The following PITPNC1 variants were observed in gnomAD, a reference collection of about 807,000 sequenced individuals.
PITPNC1 encodes the protein cytoplasmic phosphatidylinositol transfer protein 1.
PITPNC1 carries 18 observed loss-of-function variants against 44.7 expected under a neutral mutation model. That is an observed-to-expected ratio of 0.40 (90% confidence interval 0.28 to 0.60). The LOEUF is 0.60. PITPNC1 is among the 20% of genes least tolerant of loss of function. The pLI, the probability that PITPNC1 is intolerant of heterozygous loss-of-function variation, is 0.39. For missense variants in PITPNC1, 290 were observed against 418.4 expected (o/e 0.69, Z 2.68); for synonymous variants, 141 against 149.6 (o/e 0.94, Z 0.42).
At chr17:67,654,757 C>T (rs553276599) in intron 6 of PITPNC1, among the ~76,000 whole-genome samples, 62 of 152,240 alleles carry the variant, frequency 4.1e-4, no homozygotes, top group African/African-American at 1.3e-3. Flanking sequence ...CTCGGTCTCC[C>T]GAGTAGCTGG....
intron 1 of PITPNC1, among the ~76,000 whole-genome samples, chr17:67,526,201 C>A (rs909381185): frequency 3.9e-5 from 6 of 152,148 alleles, no homozygotes; most frequent in African/African-American, 1.4e-4. Flanking sequence ...CCACTAGGTG[C>A]TTTAGGGTAG....
intron 4 of PITPNC1, among the ~76,000 whole-genome samples, chr17:67,558,998 G>A (rs749689430): frequency 5.9e-5 from 9 of 152,162 alleles, no homozygotes; most frequent in Admixed American, 3.9e-4. Flanking sequence ...GAGTGGCCAT[G>A]GGGAGAATGA....
chr17:67,465,612 T>A (rs2143985887), intron 1 of PITPNC1, among the ~76,000 whole-genome samples: 1 of 152,256 alleles, frequency 6.6e-6, no homozygotes, highest in South Asian at 2.1e-4. Context: ...ACAGAGCCCC[T>A]GCACTGGATA....
At chr17:67,488,382 G>C (rs746551253) in intron 1 of PITPNC1, among the ~76,000 whole-genome samples, 1 of 152,124 alleles carries the variant, frequency 6.6e-6, no homozygotes, top group Non-Finnish European at 1.5e-5. Context: ...CCTGTGCCCC[G>C]GGGGAGTTAC....
At chr17:67,541,069 G>C (rs564410692) in intron 2 of PITPNC1, among the ~76,000 whole-genome samples, 1 of 152,190 alleles carries the variant, frequency 6.6e-6, no homozygotes, top group African/African-American at 2.4e-5. Context: ...GCAAAAATTC[G>C]CCAGGAGCGG....
At chr17:67,571,824 C>CT (rs1179530257) in intron 4 of PITPNC1, among the ~76,000 whole-genome samples, 1 of 152,204 alleles carries the variant, frequency 6.6e-6, no homozygotes, top group Non-Finnish European at 1.5e-5. Flanking sequence ...ACTGTCTTGT[C>CT]TTTTTGCTAT....
chr17:67,426,550 T>G (rs887583236), intron 1 of PITPNC1, among the ~76,000 whole-genome samples: 1 of 150,732 alleles, frequency 6.6e-6, no homozygotes, highest in Admixed American at 6.6e-5. Flanking sequence ...TAAGTGGGAG[T>G]TGAACAATGA....
chr17:67,497,529 CTTTTTTTT>C (rs34364657), intron 1 of PITPNC1, among the ~76,000 whole-genome samples: 4 of 87,506 alleles, frequency 4.6e-5, no homozygotes, highest in African/African-American at 1.4e-4. Context: ...TTGTTCGTGT[CTTTTTTTT>C]TTTTTTTTTT....
rs367750667 is a variant in PITPNC1, at chr17:67,659,502, G to A, written c.463-10006G>A. Among the ~76,000 whole-genome samples, 24 of 152,206 alleles carry A rather than the reference G, an allele frequency of 1.6e-4. No homozygotes were observed. In the East Asian group the frequency reaches 1.9e-3, roughly 12 times the overall value. On this transcript the variant is annotated intron_variant, in intron 6 of 8. Coordinates refer to ENST00000581322, the MANE Select transcript of PITPNC1 (RefSeq NM_012417.4). ...GTCTTCTTACATTGTGGAGGGTTCC[G>A]GTTTCTGGCTTCCAGCTTCTCTTGA...
chr17:67,394,302 T>G (rs1027343583), intron 1 of PITPNC1, among the ~76,000 whole-genome samples: 13 of 152,138 alleles, frequency 8.5e-5, no homozygotes, highest in African/African-American at 2.9e-4. Flanking sequence ...GTGCTGGGAT[T>G]ACAGGCATGA....
At chr17:67,520,854 G>T (rs913609591) in intron 1 of PITPNC1, among the ~76,000 whole-genome samples, 12 of 152,208 alleles carry the variant, frequency 7.9e-5, no homozygotes, top group African/African-American at 2.6e-4. Flanking sequence ...TAAATACAAG[G>T]ACATGACACC....
At chr17:67,474,564 T>G (rs1401944272) in intron 1 of PITPNC1, among the ~76,000 whole-genome samples, 1 of 152,192 alleles carries the variant, frequency 6.6e-6, no homozygotes, top group Non-Finnish European at 1.5e-5. Flanking sequence ...CTCCAGGCAG[T>G]GTCAAATGTG....
At chr17:67,487,448 T>C (rs1044798831) in intron 1 of PITPNC1, among the ~76,000 whole-genome samples, 3 of 152,190 alleles carry the variant, frequency 2.0e-5, no homozygotes, top group African/African-American at 7.2e-5. Context: ...GTGCTGGGAT[T>C]ACAGGCATGA....
intron 5 of PITPNC1, among the ~76,000 whole-genome samples, chr17:67,605,465 G>A (rs932784354): frequency 1.3e-4 from 20 of 152,146 alleles, no homozygotes; most frequent in African/African-American, 2.4e-4. Context: ...GAGTCCTCCC[G>A]GGGCTTATCG....
At chr17:67,568,147 A>G (rs2041005906) in intron 4 of PITPNC1, among the ~76,000 whole-genome samples, 1 of 152,230 alleles carries the variant, frequency 6.6e-6, no homozygotes, top group Non-Finnish European at 1.5e-5. Flanking sequence ...GTATGTCCGT[A>G]CAATGGACTA....
chr17:67,488,436 G>A (rs1376711599), intron 1 of PITPNC1, among the ~76,000 whole-genome samples: 1 of 152,184 alleles, frequency 6.6e-6, no homozygotes, highest in African/African-American at 2.4e-5. Flanking sequence ...GCAGAACAGA[G>A]TCCAGGGGCC....
intron 2 of PITPNC1, among the ~76,000 whole-genome samples, chr17:67,549,667 A>G (rs1186517612): frequency 4.6e-5 from 7 of 152,126 alleles, no homozygotes; most frequent in Non-Finnish European, 1.0e-4. Flanking sequence ...GCTATAGGAA[A>G]TGAATTACGG....
intron 5 of PITPNC1, chr17:67,613,378 A>G (rs2041714219): frequency 6.6e-6 from 1 of 152,224 alleles, no homozygotes; most frequent in African/African-American, 2.4e-5. Context: ...TGTCTGAGAT[A>G]TCCAGGAGAT....
At chr17:67,451,067 T>A (rs1299144131) in intron 1 of PITPNC1, among the ~76,000 whole-genome samples, 1 of 152,178 alleles carries the variant, frequency 6.6e-6, no homozygotes. Flanking sequence ...GTTTCACTCT[T>A]GTCACTCAGG....
Sources: allele counts gnomAD v4.1 joint callset (sites outside exome capture counted in the v4.1 genomes callset), GRCh38; gene constraint gnomAD v4.1.1; transcripts MANE v1.5; gene names NCBI Gene and HGNC (gene_info 2026-07-23, HGNC 2026-07-21).